The following NCAPH variants were observed in gnomAD, a reference collection of about 807,000 sequenced individuals.
NCAPH encodes the protein non-SMC condensin I complex subunit H, also known as condensin complex subunit 2.
A neutral mutation model predicts 85.5 loss-of-function variants in NCAPH; 38 were observed. That is an observed-to-expected ratio of 0.44 (90% CI 0.34 to 0.58). The LOEUF is 0.58. NCAPH is among the 20% of genes least tolerant of loss of function. The pLI is 0.01. For missense variants in NCAPH, 789 were observed against 916.6 expected (o/e 0.86, Z 1.80); for synonymous variants, 301 against 335.1 (o/e 0.90, Z 1.11).
Position 96,352,037 on chromosome 2 carries a change from C to A in NCAPH, c.910+17C>A, listed in dbSNP as rs1313433185. ...ATTTAAAAGGTAAGTACAAGTGATG[C>A]CTTTCACCAGAGCATTTCAGTCATT... is the stretch of plus-strand genomic sequence containing the variant. On this transcript the variant is annotated intron_variant, in intron 7 of 17. Coordinates refer to ENST00000240423, the MANE Select transcript of NCAPH (RefSeq NM_015341.5). 1.3e-6 allele frequency: 2 copies of A among 1,588,136 alleles called. No individual in the cohort carries two copies. Among genetic ancestry groups the A allele is most frequent in the Non-Finnish European group, 1.7e-6 (2 of 1,165,846 alleles).
chr2:96,365,854 C>T (rs375014852), intron 13 of NCAPH, 22 bp from the exon 14 acceptor site: 402 of 1,613,788 alleles, frequency 2.5e-4, no homozygotes, highest in Non-Finnish European at 2.5e-4. Flanking sequence ...CCACCAAACT[C>T]GAAGAGCTGT....
chr2:96,349,000 G>A (rs912040790), intron 6 of NCAPH, among the ~76,000 whole-genome samples: 1 of 152,100 alleles, frequency 6.6e-6, no homozygotes, highest in Non-Finnish European at 1.5e-5. Flanking sequence ...AAATCAATCG[G>A]ATTATTAAGT....
At chr2:96,372,963 T>G (rs777643997) in intron 17 of NCAPH, among the ~76,000 whole-genome samples, 1 of 152,110 alleles carries the variant, frequency 6.6e-6, no homozygotes, top group Non-Finnish European at 1.5e-5. Context: ...ACTATATGTA[T>G]GTGTTGTGGC....
intron 5 of NCAPH, 136 bp from the exon 6 acceptor site, chr2:96,343,969 T>C: frequency 1.8e-6 from 2 of 1,138,234 alleles, no homozygotes; most frequent in South Asian, 3.1e-5. Flanking sequence ...CCCAAAGCGC[T>C]AGGATTACAG....
chr2:96,361,765 TATACATATATATATATAC>T (rs1351489140), intron 12 of NCAPH, among the ~76,000 whole-genome samples: 36 of 133,752 alleles, frequency 2.7e-4, no homozygotes, highest in Non-Finnish European at 4.7e-4. Flanking sequence ...TATATATATA[TATACATATATATATATAC>T]ACATATATAT....
intron 6 of NCAPH, among the ~76,000 whole-genome samples, chr2:96,345,747 T>C (rs1228406593): frequency 2.0e-5 from 3 of 152,130 alleles, no homozygotes; most frequent in Non-Finnish European, 4.4e-5. Context: ...GAGAGAGATA[T>C]ATATAGAGAG....
intron 12 of NCAPH, among the ~76,000 whole-genome samples, chr2:96,361,439 G>A (rs1239148578): frequency 6.6e-6 from 1 of 151,850 alleles, no homozygotes; most frequent in Non-Finnish European, 1.5e-5. Context: ...AAGTCGAAGC[G>A]AGCCCAAGGT....
Position 96,373,650 on chromosome 2 carries a change from C to A in NCAPH, c.*299C>A. The A allele has an allele frequency of 4.1e-6, 1 of 245,224 alleles. No individual in the cohort carries two copies. The highest frequency in any genetic ancestry group is 7.8e-6 in the Non-Finnish European group (1 of 128,214). 15.2% of individuals were successfully genotyped at this position (245,224 alleles called of 1,614,324 possible). On this transcript the variant is annotated 3_prime_UTR_variant, in exon 18 of 18. Transcript: ENST00000240423. ...GAAAACCTATATCCATTCTTTATAT[C>A]AATGTATAGTTTTAGTCTCCTAAAT...
intron 11 of NCAPH, 127 bp downstream of exon 11, chr2:96,360,376 G>C: frequency 1.3e-6 from 1 of 781,190 alleles, no homozygotes; most frequent in East Asian, 2.7e-5. Flanking sequence ...TTCCTTAAAC[G>C]CACTATTAAG....
At chr2:96,345,515 C>T (rs2104432745) in intron 6 of NCAPH, among the ~76,000 whole-genome samples, 1 of 152,332 alleles carries the variant, frequency 6.6e-6, no homozygotes, top group East Asian at 1.9e-4. Context: ...AACATGCAAC[C>T]TGCAGAAAGG....
At chr2:96,336,595 A>G (rs1049911730) in intron 1 of NCAPH, among the ~76,000 whole-genome samples, 1 of 152,218 alleles carries the variant, frequency 6.6e-6, no homozygotes, top group Non-Finnish European at 1.5e-5. Flanking sequence ...GGCCTTGGGT[A>G]AGAGATTTGG....
chr2:96,354,804 A>G (rs895463478), intron 9 of NCAPH, among the ~76,000 whole-genome samples: 6 of 152,220 alleles, frequency 3.9e-5, no homozygotes, highest in African/African-American at 1.4e-4. Flanking sequence ...CTGACATTGC[A>G]AGAGTTTGTA....
chr2:96,359,289 T>C (rs976252974), intron 10 of NCAPH, 96 bp downstream of exon 10: 3 of 1,458,000 alleles, frequency 2.1e-6, no homozygotes, highest in African/African-American at 1.4e-5. Flanking sequence ...GTCACAGCCC[T>C]GTTGTGTCTC....
chr2:96,342,044 A>G lies in NCAPH; in HGVS notation c.273-6A>G, dbSNP rs567332418. 13 of 1,610,102 alleles carry G rather than the reference A, an allele frequency of 8.1e-6. 1 individual carries two copies. The South Asian group carries it at 1.2e-4, about 15-fold the overall frequency. On this transcript the variant is annotated splice_region_variant and splice_polypyrimidine_tract_variant and intron_variant, in intron 2 of 17. Transcript: ENST00000240423. ...CCAGAGTTGTTTGTTTTTGTTTTCC[A>G]TTTAGGAGTATTGACATTTCAGCTA...
intron 5 of NCAPH, 136 bp downstream of exon 5, chr2:96,343,440 A>G: frequency 9.4e-7 from 1 of 1,060,418 alleles, no homozygotes; most frequent in Non-Finnish European, 1.3e-6. Context: ...TTAGAACCAT[A>G]TATGGTCTTA....
intron 1 of NCAPH, chr2:96,341,391 G>A (rs2064292225): frequency 4.1e-6 from 2 of 492,832 alleles, no homozygotes; most frequent in South Asian, 2.8e-5. Context: ...TATCCATGCA[G>A]TACTTAAATT....
chr2:96,369,233 G>A (rs2104503074), intron 16 of NCAPH, among the ~76,000 whole-genome samples, 170 bp downstream of exon 16: 1 of 152,304 alleles, frequency 6.6e-6, no homozygotes, highest in Middle Eastern at 3.4e-3. Flanking sequence ...GTTTTTCTGT[G>A]TCAGTGATCA....
chr2:96,344,084 C>G, intron 5 of NCAPH, 21 bp from the exon 6 acceptor site: 1 of 1,603,520 alleles, frequency 6.2e-7, no homozygotes. Context: ...TTGCAGTACG[C>G]AATTGTATTT....
chr2:96,371,057 A>C (rs2064766435), intron 17 of NCAPH, among the ~76,000 whole-genome samples: 1 of 152,204 alleles, frequency 6.6e-6, no homozygotes, highest in Non-Finnish European at 1.5e-5. Context: ...CATGCAAACT[A>C]TATGAAGAAT....
Sources: allele counts gnomAD v4.1 joint callset (sites outside exome capture counted in the v4.1 genomes callset), GRCh38; gene constraint gnomAD v4.1.1; transcripts MANE v1.5; gene names NCBI Gene and HGNC (gene_info 2026-07-23, HGNC 2026-07-21).